The following WNT9B variants were observed in gnomAD, a reference collection of about 807,000 sequenced individuals.
WNT9B encodes Wnt family member 9B.
A neutral mutation model predicts 30.2 loss-of-function variants in WNT9B; 12 were observed. That is an observed-to-expected ratio of 0.40 (90% CI 0.26 to 0.64). The LOEUF is 0.64. WNT9B is among the 30% of genes least tolerant of loss of function. The pLI, the probability that WNT9B is intolerant of heterozygous loss-of-function variation, is 0.42. For synonymous variants in WNT9B, 218 were observed against 216.9 expected (o/e 1.01, Z -0.05); for missense variants, 442 against 485.2 (o/e 0.91, Z 0.84).
chr17:46,852,902 C>T (rs1030554598), intron 1 of WNT9B, among the ~76,000 whole-genome samples: 4 of 152,094 alleles, frequency 2.6e-5, no homozygotes, highest in African/African-American at 7.2e-5. Flanking sequence ...CAGGTCATGA[C>T]CCCTGGTGGA....
intron 1 of WNT9B, among the ~76,000 whole-genome samples, chr17:46,865,375 A>G (rs1373767194): frequency 4.6e-5 from 7 of 152,064 alleles, no homozygotes; most frequent in South Asian, 2.1e-4. Context: ...GACAAAGCCT[A>G]CAGCTGGACC....
intron 2 of WNT9B, among the ~76,000 whole-genome samples, chr17:46,873,571 C>G (rs141463143): frequency 1.4e-3 from 218 of 152,308 alleles, no homozygotes; most frequent in African/African-American, 5.1e-3. Flanking sequence ...TTAAATGGAA[C>G]TTCTAGCCTG....
At position 46,876,507 on chromosome 17, in the gene WNT9B, C is replaced by T. The variant is rs1182286577; in HGVS notation, c.863C>T (p.Pro288Leu). Residue 288 changes from proline to leucine, a missense_variant, in exon 4 of 4, where the codon CCC (proline) becomes CTC (leucine). Pro to Leu is a moderately conservative substitution (Grantham distance 98). Transcript: ENST00000290015. Reference sequence around the variant, plus strand: ...GACCTGGTGTACATGGAGGACTCACCCAGCTTCTGCCGGCCCAGCAAGTAC... The same window carrying T: ...GACCTGGTGTACATGGAGGACTCACTCAGCTTCTGCCGGCCCAGCAAGTAC... Reference protein sequence around the residue: ...SGDLVYMEDSPSFCRPSKYSP... With the variant: ...SGDLVYMEDSLSFCRPSKYSP... 2 of 1,613,522 alleles carry T rather than the reference C, an allele frequency of 1.2e-6. No homozygotes were observed. Among genetic ancestry groups the T allele is most frequent in the Non-Finnish European group, 1.7e-6 (2 of 1,180,044 alleles).
chr17:46,851,643 G>GC lies in WNT9B; in HGVS notation c.11dup (p.Pro5AlafsTer52), dbSNP rs1291189006. On this transcript the variant is annotated frameshift_variant, in exon 1 of 4. Coordinates refer to ENST00000290015, the MANE Select transcript of WNT9B (RefSeq NM_003396.3). LOFTEE classifies it high-confidence loss of function. This position sits in a 1 kb window ranked among gnomAD's most constrained non-coding sequence, Gnocchi z 4.3. ...GGGCGCAGCGCCGCCAGCACCATGC[G>GC]CCCCCCGCCCGCGCTGGCCCTGGCC... is the stretch of plus-strand genomic sequence containing the variant. 19 of 1,275,602 alleles carry GC rather than the reference G, an allele frequency of 1.5e-5. No homozygotes were observed. The South Asian group carries it at 1.6e-4, about 11-fold the overall frequency. 79.0% of individuals were successfully genotyped at this position (1,275,602 alleles called of 1,614,324 possible).
intron 3 of WNT9B, 134 bp downstream of exon 3, chr17:46,875,500 T>C (rs2085330485): frequency 4.0e-6 from 5 of 1,236,698 alleles, no homozygotes. Flanking sequence ...CAGGATGAAC[T>C]TCACGTCTTC....
intron 2 of WNT9B, 36 bp downstream of exon 2, chr17:46,872,809 GGAAGAAGCCTTCAGGGA>G: frequency 6.8e-7 from 1 of 1,481,030 alleles, no homozygotes; most frequent in South Asian, 1.2e-5. Flanking sequence ...GAGGGCTGGG[GGAAGAAGCCTTCAGGGA>G]GGAGGAGGCT....
chr17:46,859,032 A>T (rs1178828821), intron 1 of WNT9B, among the ~76,000 whole-genome samples: 1 of 145,626 alleles, frequency 6.9e-6, no homozygotes, highest in African/African-American at 2.6e-5. Flanking sequence ...GCTGGAGTGC[A>T]GTGGCATGAT....
In WNT9B at chr17:46,880,491, C is replaced by T. The variant is rs576283140; in HGVS notation, c.*3773C>T. ...AGCAAGGAACAGGACCAAGTCTCTG[C>T]CTCATGGGGCTGACATCCTAGTGGG... On this transcript the variant is annotated 3_prime_UTR_variant, in exon 4 of 4. Coordinates refer to ENST00000290015, the MANE Select transcript of WNT9B (RefSeq NM_003396.3). Among the ~76,000 whole-genome samples the T allele has an allele frequency of 6.6e-6, 1 of 152,332 alleles. No individual in the cohort carries two copies. Among genetic ancestry groups the T allele is most frequent in the Non-Finnish European group, 1.5e-5 (1 of 68,030 alleles).
upstream of WNT9B, among the ~76,000 whole-genome samples, chr17:46,849,065 C>A (rs1189839910): frequency 6.6e-6 from 1 of 152,190 alleles, no homozygotes; most frequent in Admixed American, 6.5e-5. Flanking sequence ...AACTCTGAAG[C>A]CTCCATGGGC....
intron 3 of WNT9B, 70 bp from the exon 4 acceptor site, chr17:46,876,175 T>G: frequency 7.0e-7 from 1 of 1,428,204 alleles, no homozygotes; most frequent in East Asian, 2.5e-5. Context: ...CTGGGGTTGG[T>G]GCTCTGGGGG....
chr17:46,857,035 G>C (rs1354819189), intron 1 of WNT9B, among the ~76,000 whole-genome samples: 1 of 152,028 alleles, frequency 6.6e-6, no homozygotes, highest in Non-Finnish European at 1.5e-5. Context: ...TCTTTTGCTT[G>C]GATTATTTTG....
upstream of WNT9B, among the ~76,000 whole-genome samples, chr17:46,848,618 G>A (rs563954091): frequency 1.3e-4 from 20 of 152,380 alleles, no homozygotes; most frequent in South Asian, 2.3e-3. Flanking sequence ...AGCCCCTTGG[G>A]GATGGACACT....
chr17:46,837,740 T>C (rs935307038), intron 1 of WNT9B, among the ~76,000 whole-genome samples: 2 of 152,096 alleles, frequency 1.3e-5, no homozygotes, highest in Non-Finnish European at 1.5e-5. Context: ...GTCAGTGGGA[T>C]TTAGTTTCCC....
At chr17:46,886,262 A>G (rs767586076) in exon 5 of WNT9B, 1 of 152,262 alleles carries the variant, frequency 6.6e-6, no homozygotes, top group Non-Finnish European at 1.5e-5. Flanking sequence ...CTTTATAACT[A>G]TCCCATTTAC....
upstream of WNT9B, among the ~76,000 whole-genome samples, chr17:46,849,795 G>T (rs1440255360): frequency 6.6e-6 from 1 of 151,848 alleles, no homozygotes; most frequent in East Asian, 1.9e-4. Flanking sequence ...AGTCCTGCCT[G>T]CAGGTATAAC....
intron 1 of WNT9B, among the ~76,000 whole-genome samples, chr17:46,859,917 A>T (rs2085006406): frequency 6.6e-6 from 1 of 152,214 alleles, no homozygotes; most frequent in Admixed American, 6.5e-5. Context: ...TAAAAAAAGA[A>T]ATTCTTCCAA....
chr17:46,838,970 C>T (rs558329267), intron 1 of WNT9B, among the ~76,000 whole-genome samples: 5 of 152,104 alleles, frequency 3.3e-5, no homozygotes, highest in East Asian at 1.9e-4. Context: ...CTCTTCCTCC[C>T]GGGTTCAAGC....
intron 1 of WNT9B, among the ~76,000 whole-genome samples, chr17:46,863,997 G>A (rs1179295601): frequency 6.6e-6 from 1 of 152,226 alleles, no homozygotes; most frequent in East Asian, 1.9e-4. Context: ...TGCAGCATGG[G>A]ACATCTCTGC....
At chr17:46,884,371 C>T (rs1363438004), downstream of WNT9B, among the ~76,000 whole-genome samples, 1 of 152,230 alleles carries the variant, frequency 6.6e-6, no homozygotes, top group African/African-American at 2.4e-5. Context: ...GTGCCGCCCC[C>T]GCCCCACACC....
Sources: gnomAD v4.1 joint callset for allele counts (sites outside exome capture counted in the v4.1 genomes callset) on GRCh38, gnomAD v4.1.1 for gene constraint, Gnocchi (gnomAD v3.1) non-coding constraint, MANE v1.5 for transcripts, NCBI Gene and HGNC (gene_info 2026-07-23, HGNC 2026-07-21) for gene names.